The following LOXL2 variants were observed in gnomAD, a reference collection of about 807,000 sequenced individuals.
LOXL2 encodes the protein lysyl oxidase homolog 2.
A neutral mutation model predicts 93.0 loss-of-function variants in LOXL2; 70 were observed. The ratio of observed to expected loss-of-function variants is 0.75; its 90% CI spans 0.62 to 0.92. The LOEUF (loss-of-function observed/expected upper bound fraction) is 0.92. Ranked by LOEUF, LOXL2 falls within the 40% of genes least tolerant of loss-of-function variation. LOXL2 has a pLI of 0.00. For missense variants in LOXL2, 973 were observed against 1,054.9 expected, an observed-to-expected ratio of 0.92 and a Z score of 1.08; for synonymous variants, 438 against 413.2, an observed-to-expected ratio of 1.06 and a Z score of -0.73.
chr8:23,365,686 C>T (rs1804388845), intron 2 of LOXL2: 1 of 152,296 alleles, frequency 6.6e-6, no homozygotes, highest in Non-Finnish European at 1.5e-5. Context: ...CAGCCGCTGT[C>T]CCATGGTCAT....
Position 23,297,693 on chromosome 8 carries a change from C to T in LOXL2, c.*350G>A. The T allele has an allele frequency of 4.5e-6, 1 of 222,864 alleles. No individual in the cohort carries two copies. Among genetic ancestry groups the T allele is most frequent in the South Asian group, 9.7e-5 (1 of 10,310 alleles). 13.8% of individuals were successfully genotyped at this position (222,864 alleles called of 1,614,324 possible). On this transcript the variant is annotated 3_prime_UTR_variant, in exon 14 of 14. Transcript: ENST00000389131. The stretch of plus-strand genomic sequence containing the variant: ...CACGTGTCACTGGAGAAGAGCGCGG[C>T]TCCACTGTGTCTGTGGTGAGCTCGG...
intron 10 of LOXL2, among the ~76,000 whole-genome samples, chr8:23,304,948 G>C (rs1803205976): frequency 6.6e-6 from 1 of 152,160 alleles, no homozygotes; most frequent in Non-Finnish European, 1.5e-5. Context: ...GCATTTGCCT[G>C]TGCTAAAAAT....
At chr8:23,304,490 G>C (rs1470587964) in intron 10 of LOXL2, among the ~76,000 whole-genome samples, 3 of 152,156 alleles carry the variant, frequency 2.0e-5, no homozygotes, top group Admixed American at 6.5e-5. Context: ...TGCCATTACA[G>C]GGACATTTGG....
At chr8:23,397,816 G>A (rs1198523512) in intron 1 of LOXL2, among the ~76,000 whole-genome samples, 36 of 147,704 alleles carry the variant, frequency 2.4e-4, no homozygotes, top group African/African-American at 8.7e-4. Flanking sequence ...ATGCTTTTCC[G>A]TGGGCATAGT....
chr8:23,299,213 G>C (rs915506124), intron 12 of LOXL2, among the ~76,000 whole-genome samples: 3 of 152,200 alleles, frequency 2.0e-5, no homozygotes, highest in Admixed American at 6.5e-5. Context: ...GTGGGCCTTC[G>C]GAAGGGGGTC....
intron 5 of LOXL2, 143 bp from the exon 6 acceptor site, chr8:23,328,708 G>GTTGTGTGTGTGTGTGTGTGTGT: frequency 4.7e-6 from 2 of 422,714 alleles, no homozygotes; most frequent in African/African-American, 7.2e-5. Flanking sequence ...TTGATGTATG[G>GTTGTGTGTGTGTGTGTGTGTGT]ATGTGTGTGT....
At chr8:23,379,733 C>T (rs968164549) in intron 1 of LOXL2, among the ~76,000 whole-genome samples, 27 of 152,330 alleles carry the variant, frequency 1.8e-4, no homozygotes, top group African/African-American at 4.8e-4. Flanking sequence ...TGGGACCCCC[C>T]GAGCCAGGCA....
At chr8:23,330,502 A>G (rs1054280435) in intron 5 of LOXL2, among the ~76,000 whole-genome samples, 2 of 152,088 alleles carry the variant, frequency 1.3e-5, no homozygotes, top group Admixed American at 6.5e-5. Context: ...ACCATCCATG[A>G]CCTAAGCTTA....
At position 23,297,254 on chromosome 8, in the gene LOXL2, C is replaced by A. The variant is rs1310434201; in HGVS notation, c.*789G>T. The A allele has an allele frequency of 6.6e-6, 1 of 152,164 alleles. No homozygotes were observed. Among genetic ancestry groups the A allele is most frequent in the Non-Finnish European group, 1.5e-5 (1 of 68,040 alleles). 9.4% of individuals were successfully genotyped at this position (152,164 alleles called of 1,614,324 possible). ...GTGATGACACATGGTGCTCAGTGAG[C>A]GCCCTGTCACCCAGGACCCTGGTTA... On this transcript the variant is annotated 3_prime_UTR_variant, in exon 14 of 14. Coordinates refer to ENST00000389131, the MANE Select transcript of LOXL2 (RefSeq NM_002318.3).
rs58347035 is a variant in LOXL2 at position 23,307,953 on chromosome 8, G to GGAA, written c.1880+1714_1880+1715insTTC. Among the ~76,000 whole-genome samples, 20 of 83,518 alleles carry GGAA rather than the reference G, an allele frequency of 2.4e-4. 1 individual carries two copies. The highest frequency in any genetic ancestry group is 5.9e-4 in the Admixed American group (3 of 5,098). 54.8% of individuals were successfully genotyped at this position (83,518 alleles called of 152,430 possible). On this transcript the variant is annotated intron_variant, in intron 10 of 13. Transcript: ENST00000389131. ...GTGACTAGGTCATCAGCTGCGATAT[G>GGAA]AAAAAAAAAAAAAAAAAAAAGCCAA...
At chr8:23,341,524 GC>G in intron 3 of LOXL2, 1 of 433,252 alleles carries the variant, frequency 2.3e-6, no homozygotes, top group Non-Finnish European at 4.3e-6. Context: ...AAGGGCAGCA[GC>G]CTCCTCCTGC....
intron 10 of LOXL2, among the ~76,000 whole-genome samples, chr8:23,307,906 C>G (rs1803254975): frequency 7.9e-6 from 1 of 126,074 alleles, no homozygotes; most frequent in Non-Finnish European, 1.6e-5. Flanking sequence ...AGTGGAACAA[C>G]TATCCCAAAA....
At chr8:23,377,109 A>C in intron 1 of LOXL2, among the ~76,000 whole-genome samples, 1 of 152,074 alleles carries the variant, frequency 6.6e-6, no homozygotes, top group Non-Finnish European at 1.5e-5. Flanking sequence ...ACACTGCTTT[A>C]AATGTGTACC....
chr8:23,376,275 C>T (rs1236546869), intron 1 of LOXL2, among the ~76,000 whole-genome samples: 1 of 151,508 alleles, frequency 6.6e-6, no homozygotes, highest in African/African-American at 2.4e-5. Flanking sequence ...AGCCTTGCAT[C>T]CCAGGGATGA....
chr8:23,320,365 G>A (rs1036599057), intron 7 of LOXL2, among the ~76,000 whole-genome samples: 4 of 152,144 alleles, frequency 2.6e-5, no homozygotes, highest in Non-Finnish European at 4.4e-5. Flanking sequence ...TGGTGCCCTC[G>A]GGACCTTGAC....
chr8:23,338,344 C>T (rs890473888), intron 4 of LOXL2, among the ~76,000 whole-genome samples: 2 of 151,852 alleles, frequency 1.3e-5, no homozygotes, highest in Non-Finnish European at 2.9e-5. Context: ...GGCCAGGGGG[C>T]AGCTCTCAGG....
chr8:23,323,204 G>C (rs1297174845), intron 6 of LOXL2, among the ~76,000 whole-genome samples: 1 of 152,230 alleles, frequency 6.6e-6, no homozygotes. Context: ...AGCATCGAAG[G>C]ACTAGCATGG....
At position 23,332,184 on chromosome 8, in the gene LOXL2, A is replaced by T. The variant is rs539980880; in HGVS notation, c.966+1217T>A. Among the ~76,000 whole-genome samples the T allele has an allele frequency of 2.7e-5, 4 of 148,938 alleles. No individual in the cohort carries two copies. In the East Asian group the frequency reaches 8.3e-4, roughly 31 times the overall value. ...CACACACTCACACTCTCTCACACAC[A>T]CACACACACCCCACACACACCCACA... On this transcript the variant is annotated intron_variant, in intron 5 of 13. Coordinates refer to ENST00000389131, the MANE Select transcript of LOXL2 (RefSeq NM_002318.3).
At position 23,403,935 on chromosome 8, in the gene LOXL2, G is replaced by C. The variant is rs1800185204; in HGVS notation, c.-84+19C>G. The stretch of plus-strand genomic sequence containing the variant: ...CGCGAACCGCTTCGGGGAGGGGGTG[G>C]CGCGGGAAGCGCTCTTACTTGGTTT... On this transcript the variant is annotated intron_variant, in intron 1 of 13. Transcript: ENST00000389131. 6.3e-6 allele frequency: 1 copy of C among 159,056 alleles called. No individual in the cohort carries two copies. Among genetic ancestry groups the C allele is most frequent in the South Asian group, 1.6e-4 (1 of 6,388 alleles). 9.9% of individuals were successfully genotyped at this position (159,056 alleles called of 1,614,324 possible). A position where few individuals can be genotyped will look rare whatever the true frequency, so the allele number is the denominator to read the frequency against.
Sources: allele counts gnomAD v4.1 joint callset (sites outside exome capture counted in the v4.1 genomes callset), GRCh38; gene constraint gnomAD v4.1.1; transcripts MANE v1.5; gene names NCBI Gene and HGNC (gene_info 2026-07-23, HGNC 2026-07-21).